NRP1: variants seen among roughly 807,000 people sequenced by gnomAD.
NRP1 encodes neuropilin 1, also known as neuropilin-1.
In NRP1, 35 loss-of-function variants were observed where a neutral mutation model predicts 106.7. The ratio of observed to expected loss-of-function variants is 0.33; its 90% CI spans 0.25 to 0.43. The LOEUF (loss-of-function observed/expected upper bound fraction) is 0.43, where lower values mean the gene tolerates loss of function less well. Ranked by LOEUF, NRP1 falls within the 20% of genes least tolerant of loss-of-function variation. NRP1 has a pLI of 1.00. For missense variants in NRP1, 1,024 were observed against 1,170.4 expected (o/e 0.87, Z 1.83); for synonymous variants, 437 against 417.9 (o/e 1.05, Z -0.56).
At chr10:33,207,805 G>C in intron 9 of NRP1, 89 bp from the exon 10 acceptor site, 2 of 1,401,228 alleles carry the variant, frequency 1.4e-6, no homozygotes, top group South Asian at 2.8e-5. Context: ...TCAGGACTCT[G>C]AATAAGGCAG....
chr10:33,297,544 G>T (rs1475175536), intron 2 of NRP1, among the ~76,000 whole-genome samples: 1 of 152,050 alleles, frequency 6.6e-6, no homozygotes, highest in Non-Finnish European at 1.5e-5. Flanking sequence ...AAATTAGCTG[G>T]GTTTGGTGGC....
At chr10:33,315,430 T>C (rs978239315) in intron 2 of NRP1, among the ~76,000 whole-genome samples, 4 of 152,204 alleles carry the variant, frequency 2.6e-5, no homozygotes, top group Admixed American at 6.5e-5. Context: ...AGAAGTCTAA[T>C]TGGATGTCCA....
chr10:33,180,264 T>A lies in NRP1; in HGVS notation c.2584A>T (p.Ile862Leu), dbSNP rs763234318. The A allele has an allele frequency of 6.2e-7, 1 of 1,614,124 alleles. No individual in the cohort carries two copies. Among genetic ancestry groups the A allele is most frequent in the Admixed American group, 1.7e-5 (1 of 60,010 alleles). The part of the protein sequence containing the change: ...KTLDPILITI[I>L]AMSALGVLLG... ...AGGACCCCCAGGGCACTCATGGCTA[T>A]GATGGTGATGAGGATGGGGTCTAAG... Residue 862 changes from isoleucine (I) to leucine (L), a missense_variant, in exon 17 of 17, where the codon ATA becomes TTA. Physicochemically the swap from Ile to Leu is conservative, Grantham distance 5 (BLOSUM62 2). Transcript: ENST00000374867.
intron 2 of NRP1, among the ~76,000 whole-genome samples, chr10:33,277,705 A>AT (rs1376265985): frequency 6.6e-6 from 1 of 152,266 alleles, no homozygotes; most frequent in African/African-American, 2.4e-5. Context: ...AAAATATAAA[A>AT]TTGCATGCTA....
chr10:33,287,857 T>C (rs988418955), intron 2 of NRP1, among the ~76,000 whole-genome samples: 1 of 152,154 alleles, frequency 6.6e-6, no homozygotes, highest in Admixed American at 6.5e-5. Flanking sequence ...ATGGAAGCTG[T>C]GTCTGCTGAA....
chr10:33,307,485 T>TA (rs911611999), intron 2 of NRP1, among the ~76,000 whole-genome samples: 9 of 151,458 alleles, frequency 5.9e-5, no homozygotes, highest in South Asian at 2.1e-4. Context: ...ATTTGTGCCA[T>TA]AAAAAAAAAT....
chr10:33,311,205 A>T (rs1029860059), intron 2 of NRP1, among the ~76,000 whole-genome samples: 1 of 152,172 alleles, frequency 6.6e-6, no homozygotes, highest in Non-Finnish European at 1.5e-5. Flanking sequence ...ATTCCAGCTG[A>T]TGGCTGAATC....
intron 9 of NRP1, 70 bp downstream of exon 9, chr10:33,213,316 A>C (rs1564387624): frequency 6.2e-7 from 1 of 1,614,160 alleles, no homozygotes; most frequent in Non-Finnish European, 8.5e-7. Context: ...CTTCCTCGGG[A>C]GAATGCCAGA....
chr10:33,213,337 T>C (rs755248790), intron 9 of NRP1, 49 bp downstream of exon 9: 83 of 1,614,040 alleles, frequency 5.1e-5, no homozygotes, highest in Non-Finnish European at 6.8e-5. Flanking sequence ...GGCCCTTGAT[T>C]GAAGTCAAGG....
At chr10:33,313,028 G>T (rs936706078) in intron 2 of NRP1, among the ~76,000 whole-genome samples, 1 of 152,172 alleles carries the variant, frequency 6.6e-6, no homozygotes, top group South Asian at 2.1e-4. Flanking sequence ...GACTGTGAAT[G>T]TTATATTCAA....
At chr10:33,319,552 T>C (rs9418057) in intron 2 of NRP1, among the ~76,000 whole-genome samples, 125,259 of 149,198 alleles carry the variant, frequency 0.84, 53,378 homozygotes, top group East Asian at 0.99. Flanking sequence ...CTCTTTGCGG[T>C]GGTGCCATCT....
chr10:33,185,710 G>T lies in NRP1; in HGVS notation c.2349C>A (p.Gly783=), dbSNP rs143858258. Residue 783 remains glycine, a synonymous_variant, in exon 15 of 17, where the codon GGC becomes GGA. Transcript: ENST00000374867. The part of the protein sequence containing the change: ...SLKLYQVIFE[G]EIGKGNLGGI... ...CACCAAGGTTTCCTTTTCCGATTTC[G>T]CCCTCGAAAATCACCTAACAAAATA... 6,922 of 1,613,266 alleles carry T rather than the reference G, an allele frequency of 4.3e-3. 20 individuals carry two copies. The highest frequency in any genetic ancestry group is 5.3e-3 in the Non-Finnish European group (6,264 of 1,179,288).
At chr10:33,272,546 G>T (rs1588893406) in intron 2 of NRP1, among the ~76,000 whole-genome samples, 1 of 152,132 alleles carries the variant, frequency 6.6e-6, no homozygotes, top group Non-Finnish European at 1.5e-5. Context: ...GGAGGAGGAG[G>T]AGGAGGAAGA....
At chr10:33,214,329 A>G (rs1285026722) in intron 8 of NRP1, among the ~76,000 whole-genome samples, 1 of 152,154 alleles carries the variant, frequency 6.6e-6, no homozygotes, top group Non-Finnish European at 1.5e-5. Flanking sequence ...TCTCAAATGT[A>G]CCACAAGCAG....
chr10:33,303,913 A>G (rs1845972058), intron 2 of NRP1, among the ~76,000 whole-genome samples: 1 of 152,228 alleles, frequency 6.6e-6, no homozygotes, highest in Admixed American at 6.5e-5. Context: ...ACACTGATAT[A>G]AGCTCCAGTG....
intron 9 of NRP1, among the ~76,000 whole-genome samples, chr10:33,209,319 A>T (rs1838086821): frequency 6.6e-6 from 1 of 152,222 alleles, no homozygotes; most frequent in South Asian, 2.1e-4. Context: ...ACAGACAAGG[A>T]AACTGAGGCA....
chr10:33,268,424 T>C (rs1365190670), intron 3 of NRP1, among the ~76,000 whole-genome samples: 1 of 152,112 alleles, frequency 6.6e-6, no homozygotes, highest in Non-Finnish European at 1.5e-5. Flanking sequence ...TAAAAAGCAG[T>C]GGATGCCGTA....
Position 33,188,353 on chromosome 10 carries a change from C to A in NRP1, c.2063-1865G>T, listed in dbSNP as rs111341530. On this transcript the variant is annotated intron_variant, in intron 13 of 16. Coordinates refer to ENST00000374867, the MANE Select transcript of NRP1 (RefSeq NM_003873.7). ...GGGATGCTCTCCCATAGGACATCCT[C>A]ACTCAACTGCACCATAATCACTTCC... Among the ~76,000 whole-genome samples, 75 of 152,258 alleles carry A rather than the reference C, an allele frequency of 4.9e-4. 1 individual carries two copies. Among genetic ancestry groups the A allele is most frequent in the African/African-American group, 1.7e-3 (69 of 41,568 alleles).
chr10:33,197,896 A>T (rs545555581), intron 11 of NRP1, among the ~76,000 whole-genome samples, 187 bp from the exon 12 acceptor site: 1 of 147,376 alleles, frequency 6.8e-6, no homozygotes, highest in African/African-American at 2.5e-5. Flanking sequence ...ATAAACCATT[A>T]TTTTTTTTTT....
Sources: gnomAD v4.1 joint callset for allele counts (sites outside exome capture counted in the v4.1 genomes callset) on GRCh38, gnomAD v4.1.1 for gene constraint, MANE v1.5 for transcripts, NCBI Gene and HGNC (gene_info 2026-07-23, HGNC 2026-07-21) for gene names.